The following IFT80 variants were observed in gnomAD, a reference collection of about 807,000 sequenced individuals.
IFT80 encodes intraflagellar transport 80.
A neutral mutation model predicts 107.9 loss-of-function variants in IFT80; 79 were observed. The ratio of observed to expected loss-of-function variants is 0.73; its 90% CI spans 0.61 to 0.88. IFT80 has a LOEUF of 0.88. Ranked by LOEUF, IFT80 falls within the 40% of genes least tolerant of loss-of-function variation. The pLI is 0.00. For missense variants in IFT80, 797 were observed against 914.2 expected (o/e 0.87, Z 1.65); for synonymous variants, 299 against 300.9 (o/e 0.99, Z 0.07).
intron 13 of IFT80, 131 bp from the exon 14 acceptor site, chr3:160,282,744 C>T: frequency 1.5e-6 from 1 of 652,004 alleles, no homozygotes; most frequent in Non-Finnish European, 2.6e-6. Context: ...GATAAAATGT[C>T]CCTGTTAAAT....
Position 160,381,080 on chromosome 3 carries a change from T to G in IFT80, c.259+423A>C, listed in dbSNP as rs553106036. Reference sequence around the variant, plus strand: ...TGAGACCCTGTCTCTACAAAAAAAATGTTTTAATTAACCAGATGTAATAGT... The same window carrying G: ...TGAGACCCTGTCTCTACAAAAAAAAGGTTTTAATTAACCAGATGTAATAGT... On this transcript the variant is annotated intron_variant, in intron 3 of 19. Coordinates refer to ENST00000326448, the MANE Select transcript of IFT80 (RefSeq NM_020800.3). 3.9e-3 allele frequency among the ~76,000 whole-genome samples: 591 copies of G among 150,938 alleles called. 1 individual carries two copies. The highest frequency in any genetic ancestry group is 0.024 in the East Asian group (123 of 5,124).
chr3:160,341,894 T>C (rs1349656611), intron 8 of IFT80, among the ~76,000 whole-genome samples: 1 of 152,204 alleles, frequency 6.6e-6, no homozygotes, highest in Non-Finnish European at 1.5e-5. Context: ...TGTATCCTTA[T>C]AACCAATTCT....
At chr3:160,378,452 T>C (rs1400770608) in intron 3 of IFT80, among the ~76,000 whole-genome samples, 1 of 152,048 alleles carries the variant, frequency 6.6e-6, no homozygotes, top group African/African-American at 2.4e-5. Flanking sequence ...TTGAAGCAAA[T>C]ACACCCCATT....
At chr3:160,339,742 A>G (rs1719751507) in intron 8 of IFT80, among the ~76,000 whole-genome samples, 2 of 152,240 alleles carry the variant, frequency 1.3e-5, no homozygotes, top group African/African-American at 4.8e-5. Context: ...ACAGGACACA[A>G]AAGTGTTCTG....
intron 1 of IFT80, among the ~76,000 whole-genome samples, chr3:160,390,333 C>T (rs571406191): frequency 2.0e-5 from 3 of 151,734 alleles, no homozygotes; most frequent in Non-Finnish European, 2.9e-5. Flanking sequence ...AGGAGAATCG[C>T]TTGAACCCGG....
At chr3:160,382,839 T>C (rs777004019) in intron 2 of IFT80, among the ~76,000 whole-genome samples, 1 of 152,036 alleles carries the variant, frequency 6.6e-6, no homozygotes, top group African/African-American at 2.4e-5. Flanking sequence ...CAAAATACAA[T>C]AGATTAAGCA....
chr3:160,381,588 GTAAATAT>G lies in IFT80; in HGVS notation c.167_173del (p.Asp56AlafsTer14), dbSNP rs1559971632. ...TTGGAAACCAGTGAAAATCAATAGG[GTAAATAT>G]CATCAGGAAGCTTTACTATTTGAGT... On this transcript the variant is annotated frameshift_variant, in exon 3 of 20. Transcript: ENST00000326448. LOFTEE classifies it high-confidence loss of function. The G allele has an allele frequency of 6.2e-7, 1 of 1,613,664 alleles. No homozygotes were observed. Among genetic ancestry groups the G allele is most frequent in the Non-Finnish European group, 8.5e-7 (1 of 1,179,868 alleles).
intron 6 of IFT80, among the ~76,000 whole-genome samples, chr3:160,358,960 G>T (rs1262185428): frequency 6.6e-6 from 1 of 152,040 alleles, no homozygotes; most frequent in Non-Finnish European, 1.5e-5. Flanking sequence ...TTTATTCAAC[G>T]AATAAATAAA....
chr3:160,378,488 T>C (rs555069972), intron 3 of IFT80, among the ~76,000 whole-genome samples: 8 of 152,040 alleles, frequency 5.3e-5, no homozygotes, highest in Non-Finnish European at 8.8e-5. Context: ...AGCACTGTTA[T>C]CTTGTTTTTT....
chr3:160,304,711 A>G (rs945470624), intron 10 of IFT80, among the ~76,000 whole-genome samples: 1 of 152,166 alleles, frequency 6.6e-6, no homozygotes, highest in Non-Finnish European at 1.5e-5. Context: ...CTGGGATTAC[A>G]GGCATGAGCC....
chr3:160,390,053 C>T (rs559248450), intron 1 of IFT80, among the ~76,000 whole-genome samples: 4 of 152,182 alleles, frequency 2.6e-5, no homozygotes, highest in South Asian at 4.2e-4. Context: ...GATACAGTAA[C>T]GAGAGATAAA....
chr3:160,354,453 T>C (rs188210120), intron 8 of IFT80, among the ~76,000 whole-genome samples: 354 of 151,902 alleles, frequency 2.3e-3, no homozygotes, highest in African/African-American at 8.2e-3. Context: ...ATCGAGACCA[T>C]CCTGGCTAAC....
chr3:160,316,308 C>G (rs190547304), intron 9 of IFT80, among the ~76,000 whole-genome samples: 3 of 152,260 alleles, frequency 2.0e-5, no homozygotes, highest in Admixed American at 6.5e-5. Context: ...TGCCAACCAT[C>G]ATGTCAGTGA....
chr3:160,357,995 CTTATTTATTTTAT>C (rs1350494364), intron 6 of IFT80, among the ~76,000 whole-genome samples: 5 of 152,028 alleles, frequency 3.3e-5, no homozygotes, highest in African/African-American at 1.2e-4. Flanking sequence ...TGCTTGTTTA[CTTATTTATTTTAT>C]TTATTTATTT....
chr3:160,386,408 T>C (rs1712936720), intron 1 of IFT80, among the ~76,000 whole-genome samples: 1 of 152,228 alleles, frequency 6.6e-6, no homozygotes, highest in Non-Finnish European at 1.5e-5. Flanking sequence ...AGGATCTGAC[T>C]AACCAGTGGT....
chr3:160,369,715 C>T (rs1722101489), intron 5 of IFT80, among the ~76,000 whole-genome samples: 1 of 151,980 alleles, frequency 6.6e-6, no homozygotes, highest in Admixed American at 6.6e-5. Flanking sequence ...TTAGCCTTTG[C>T]ATTGAATTAC....
At chr3:160,350,131 G>A (rs1305985425) in intron 8 of IFT80, among the ~76,000 whole-genome samples, 2 of 151,994 alleles carry the variant, frequency 1.3e-5, no homozygotes, top group Non-Finnish European at 2.9e-5. Context: ...AAGATATGCA[G>A]AGGCCGGGCA....
At chr3:160,339,164 G>A (rs1249942840) in intron 8 of IFT80, among the ~76,000 whole-genome samples, 1 of 152,144 alleles carries the variant, frequency 6.6e-6, no homozygotes, top group Non-Finnish European at 1.5e-5. Context: ...GTACACATAA[G>A]ATACTGTATG....
chr3:160,366,213 AAG>A (rs775526735), intron 5 of IFT80, 61 bp from the exon 6 acceptor site: 4 of 1,199,406 alleles, frequency 3.3e-6, no homozygotes, highest in South Asian at 2.5e-5. Context: ...GCCTTATAAA[AAG>A]AGAGATTGTT....
Sources: gnomAD v4.1 joint callset for allele counts (sites outside exome capture counted in the v4.1 genomes callset) on GRCh38, gnomAD v4.1.1 for gene constraint, MANE v1.5 for transcripts, NCBI Gene and HGNC (gene_info 2026-07-23, HGNC 2026-07-21) for gene names.